DHCR24: variants seen among roughly 807,000 people sequenced by gnomAD.
The protein encoded by DHCR24 is delta(24)-sterol reductase.
A neutral mutation model predicts 61.2 loss-of-function variants in DHCR24; 28 were observed. The observed-to-expected ratio is 0.46, with a 90% CI of 0.34 to 0.63. The LOEUF is 0.63. Ranked by LOEUF, DHCR24 falls within the 20% of genes least tolerant of loss-of-function variation. DHCR24 has a pLI of 0.01. For missense variants in DHCR24, 538 were observed against 679.1 expected (o/e 0.79, Z 2.31); for synonymous variants, 261 against 275.9 (o/e 0.95, Z 0.54).
chr1:54,884,139 C>T (rs1180224007), intron 1 of DHCR24, among the ~76,000 whole-genome samples: 1 of 152,204 alleles, frequency 6.6e-6, no homozygotes, highest in Non-Finnish European at 1.5e-5. Context: ...ATCTACTGCA[C>T]ACTGTCTTGT....
chr1:54,879,617 G>T (rs1298225677), intron 2 of DHCR24, among the ~76,000 whole-genome samples: 4 of 152,046 alleles, frequency 2.6e-5, no homozygotes, highest in African/African-American at 9.7e-5. Context: ...AACAGATGAA[G>T]AAATAATGGC....
intron 2 of DHCR24, among the ~76,000 whole-genome samples, chr1:54,880,970 G>A (rs1647061144): frequency 6.6e-6 from 1 of 152,100 alleles, no homozygotes; most frequent in Admixed American, 6.5e-5. Flanking sequence ...CCAACATGGT[G>A]AAACCCCGTC....
chr1:54,886,867 G>A (rs1421987975), intron 1 of DHCR24, 22 bp downstream of exon 1: 1 of 1,607,442 alleles, frequency 6.2e-7, no homozygotes, highest in Non-Finnish European at 8.5e-7. Context: ...CCTGAGTCCC[G>A]GCCGCACCCG....
In DHCR24 at chr1:54,853,463, C is replaced by T; in HGVS notation, c.1368G>A (p.Gln456=). ...KHFEARSCMR[Q]LEKFVRSVHG... is the part of the protein sequence containing the mutation. ...GCACGCTGCGGACAAACTTCTCCAG[C>T]TGCCTCATGCAGGACCTGGCTTCAA... Residue 456 remains glutamine, a synonymous_variant, in exon 8 of 9, where the codon CAG becomes CAA. Transcript: ENST00000371269. The T allele has an allele frequency of 6.2e-7, 1 of 1,614,214 alleles. No individual in the cohort carries two copies. The highest frequency in any genetic ancestry group is 2.2e-5 in the East Asian group (1 of 44,880).
At chr1:54,884,141 C>G (rs1380699715) in intron 1 of DHCR24, among the ~76,000 whole-genome samples, 1 of 152,264 alleles carries the variant, frequency 6.6e-6, no homozygotes, top group African/African-American at 2.4e-5. Flanking sequence ...CTACTGCACA[C>G]TGTCTTGTGT....
chr1:54,860,152 C>CAA (rs1646928110), intron 6 of DHCR24, among the ~76,000 whole-genome samples: 1 of 152,232 alleles, frequency 6.6e-6, no homozygotes, highest in Non-Finnish European at 1.5e-5. Flanking sequence ...CAATCACCCT[C>CAA]TCCTAGAAGC....
intron 5 of DHCR24, among the ~76,000 whole-genome samples, chr1:54,867,961 G>C (rs1166549169): frequency 6.6e-6 from 1 of 152,240 alleles, no homozygotes; most frequent in Non-Finnish European, 1.5e-5. Context: ...TGAACCAGGA[G>C]TCAGAAGCTG....
chr1:54,853,894 A>G, intron 7 of DHCR24, 143 bp downstream of exon 7: 1 of 905,192 alleles, frequency 1.1e-6, no homozygotes. Context: ...GCCTCAGCAG[A>G]CATAGGGACA....
chr1:54,853,011 G>A (rs1403553804), intron 8 of DHCR24, among the ~76,000 whole-genome samples: 1 of 152,118 alleles, frequency 6.6e-6, no homozygotes, highest in Non-Finnish European at 1.5e-5. Flanking sequence ...GCTGTTTTCT[G>A]AGCAATCCTC....
rs1647072629 is a variant in DHCR24 at position 54,883,011 on chromosome 1, CTT to C, written c.387+605_387+606del. Among the ~76,000 whole-genome samples, 1 of 152,060 alleles carries C rather than the reference CTT, an allele frequency of 6.6e-6. No homozygotes were observed. Among genetic ancestry groups the C allele is most frequent in the African/African-American group, 2.4e-5 (1 of 41,392 alleles). On this transcript the variant is annotated intron_variant, in intron 2 of 8. Transcript: ENST00000371269. The surrounding 1 kb of genome is among the most constrained non-coding windows in gnomAD (Gnocchi z 4.3). The stretch of plus-strand genomic sequence containing the variant: ...AAAATGGCACAGAGAGATTAAGTAA[CTT>C]GGCCAAGGTCTCACAATAATAACAA...
chr1:54,871,182 T>C (rs1646996340), intron 5 of DHCR24, among the ~76,000 whole-genome samples, 168 bp downstream of exon 5: 1 of 152,194 alleles, frequency 6.6e-6, no homozygotes, highest in South Asian at 2.1e-4. Context: ...TCCATCACTG[T>C]CTAATACATT....
intron 1 of DHCR24, among the ~76,000 whole-genome samples, chr1:54,885,791 G>A (rs1647090738): frequency 6.6e-6 from 1 of 152,152 alleles, no homozygotes; most frequent in Non-Finnish European, 1.5e-5. Context: ...CTCACAGTCT[G>A]ACAGGGGAGA....
Position 54,883,535 on chromosome 1 carries a change from G to T in DHCR24, c.387+83C>A. On this transcript the variant is annotated intron_variant, in intron 2 of 8. Transcript: ENST00000371269. This position sits in a 1 kb window ranked among gnomAD's most constrained non-coding sequence, Gnocchi z 4.3. ...TCCTGTCCACTCTGCAATGCCCTTG[G>T]CTAAAATCATCTCCCTATGAGTCAC... 1 of 1,559,678 alleles carries T rather than the reference G, an allele frequency of 6.4e-7. No individual in the cohort carries two copies. The highest frequency in any genetic ancestry group is 8.8e-7 in the Non-Finnish European group (1 of 1,132,040).
chr1:54,867,030 G>C (rs1388292491), intron 5 of DHCR24, among the ~76,000 whole-genome samples: 1 of 152,174 alleles, frequency 6.6e-6, no homozygotes, highest in African/African-American at 2.4e-5. Flanking sequence ...AGGCGCTCCT[G>C]GTGCTCACTG....
At chr1:54,873,256 C>G (rs1647008996) in intron 4 of DHCR24, among the ~76,000 whole-genome samples, 1 of 152,196 alleles carries the variant, frequency 6.6e-6, no homozygotes, top group Non-Finnish European at 1.5e-5. Context: ...GCTATCACAG[C>G]TATCCTAATG....
At chr1:54,858,917 A>C (rs1276458418) in intron 6 of DHCR24, among the ~76,000 whole-genome samples, 1 of 152,154 alleles carries the variant, frequency 6.6e-6, no homozygotes, top group African/African-American at 2.4e-5. Context: ...TTGCAGGTGT[A>C]AGCCACTGCG....
chr1:54,865,306 G>C lies in DHCR24; in HGVS notation c.1017C>G (p.Leu339=), dbSNP rs774408492. 6.2e-6 allele frequency: 10 copies of C among 1,613,140 alleles called. No individual in the cohort carries two copies. The Admixed American group carries it at 1.7e-4, about 27-fold the overall frequency. ...HRHTRSIFWE[L]QDIIPFGNNP... ...GCTACAGAAACCTAAGCCTCACCTGGAGCTCCCAGAAGATGCTGCGCGTGT... is the reference window on the plus strand; with the variant it reads ...GCTACAGAAACCTAAGCCTCACCTGCAGCTCCCAGAAGATGCTGCGCGTGT... The change falls in exon 6 of 9, where the codon CTC becomes CTG. Residue 339 remains leucine (L), a synonymous_variant. Coordinates refer to ENST00000371269, the MANE Select transcript of DHCR24 (RefSeq NM_014762.4).
intron 5 of DHCR24, among the ~76,000 whole-genome samples, chr1:54,869,117 T>TTG (rs1646983081): frequency 6.6e-6 from 1 of 152,088 alleles, no homozygotes; most frequent in Non-Finnish European, 1.5e-5. Flanking sequence ...AAGTGATCAC[T>TTG]GCTGAAGACA....
chr1:54,851,537 G>C lies in DHCR24; in HGVS notation c.*696C>G, dbSNP rs1168847774. 6.5e-6 allele frequency: 1 copy of C among 153,194 alleles called. No individual in the cohort carries two copies. The highest frequency in any genetic ancestry group is 1.5e-5 in the Non-Finnish European group (1 of 68,470). 9.5% of individuals were successfully genotyped at this position (153,194 alleles called of 1,614,324 possible). A position where few individuals can be genotyped will look rare whatever the true frequency, so the allele number is the denominator to read the frequency against. ...CTCCGAGTGGACTCAGTGGTGGCTG[G>C]GGTGGGCCTGCAGGCCCAGGCATGA... On this transcript the variant is annotated 3_prime_UTR_variant, in exon 9 of 9. Transcript: ENST00000371269.
Sources: gnomAD v4.1 joint callset for allele counts (sites outside exome capture counted in the v4.1 genomes callset) on GRCh38, gnomAD v4.1.1 for gene constraint, Gnocchi (gnomAD v3.1) non-coding constraint, MANE v1.5 for transcripts, NCBI Gene and HGNC (gene_info 2026-07-23, HGNC 2026-07-21) for gene names.